The following ENTREP2 variants were observed in gnomAD, a reference collection of about 807,000 sequenced individuals.
ENTREP2 encodes endosomal transmembrane epsin interactor 2.
At chr15:29,352,038 G>A in the ENTREP2 span, among the ~76,000 whole-genome samples, 7 of 152,134 alleles carry the variant, frequency 4.6e-5, no homozygotes, top group South Asian at 2.1e-4. Context: ...GGACTCAAGC[G>A]ATCCTCCCAC....
the ENTREP2 span, among the ~76,000 whole-genome samples, chr15:29,169,207 A>G: frequency 6.6e-6 from 1 of 152,244 alleles, no homozygotes; most frequent in South Asian, 2.1e-4. Context: ...TGTGATCCTA[A>G]TGAGCCTCTA....
chr15:29,469,198 T>TTTTG, the ENTREP2 span, among the ~76,000 whole-genome samples: 1,347 of 152,106 alleles, frequency 8.9e-3, 16 homozygotes, highest in African/African-American at 0.031. Flanking sequence ...TTTTGTTTTG[T>TTTTG]TTTGTTTGTT....
At chr15:29,650,398 G>A in the ENTREP2 span, among the ~76,000 whole-genome samples, 730 of 146,910 alleles carry the variant, frequency 5.0e-3, 10 homozygotes, top group African/African-American at 0.019. Context: ...TTCAAGACCA[G>A]CCTGGACAAT....
chr15:29,377,400 C>T, the ENTREP2 span, among the ~76,000 whole-genome samples: 41 of 151,946 alleles, frequency 2.7e-4, no homozygotes, highest in African/African-American at 2.9e-4. Flanking sequence ...GTGTGGAGAA[C>T]GGATTGGAGA....
the ENTREP2 span, among the ~76,000 whole-genome samples, chr15:29,533,066 T>C: frequency 1.3e-5 from 2 of 152,156 alleles, no homozygotes; most frequent in African/African-American, 2.4e-5. Flanking sequence ...CAGGCTACTT[T>C]ATTCAATTTT....
the ENTREP2 span, among the ~76,000 whole-genome samples, chr15:29,276,303 G>T: frequency 6.6e-6 from 1 of 152,162 alleles, no homozygotes; most frequent in Non-Finnish European, 1.5e-5. Flanking sequence ...AATCATTAGG[G>T]CCTATTAAGT....
At chr15:29,267,134 TA>T in the ENTREP2 span, 1 of 152,160 alleles carries the variant, frequency 6.6e-6, no homozygotes, top group Non-Finnish European at 1.5e-5. Context: ...CAGAATGAAA[TA>T]AAACCCAGTA....
chr15:29,384,783 C>T, the ENTREP2 span, among the ~76,000 whole-genome samples: 6 of 152,098 alleles, frequency 3.9e-5, no homozygotes, highest in African/African-American at 9.7e-5. Context: ...CCTCAGCCCC[C>T]GACTCTTCTT....
the ENTREP2 span, among the ~76,000 whole-genome samples, chr15:29,584,416 G>A: frequency 1.4e-5 from 2 of 147,200 alleles, no homozygotes; most frequent in East Asian, 4.2e-4. Flanking sequence ...ATGGATGAAG[G>A]AATTTTTTAA....
At chr15:29,258,039 T>C in the ENTREP2 span, among the ~76,000 whole-genome samples, 23 of 151,804 alleles carry the variant, frequency 1.5e-4, no homozygotes, top group African/African-American at 5.3e-4. Context: ...GTGAAACCCC[T>C]GTCTCTACTA....
chr15:29,126,343 G>A, the ENTREP2 span: 15 of 1,536,016 alleles, frequency 9.8e-6, 1 homozygote, highest in Middle Eastern at 7.7e-4. Context: ...GCACCTGTGA[G>A]CCCATGCCAG....
At chr15:29,303,351 A>C in the ENTREP2 span, among the ~76,000 whole-genome samples, 1 of 152,244 alleles carries the variant, frequency 6.6e-6, no homozygotes, top group Non-Finnish European at 1.5e-5. Flanking sequence ...CTGCACAGAA[A>C]TGCTTAATGC....
At chr15:29,671,595 A>G in the ENTREP2 span, among the ~76,000 whole-genome samples, 2 of 152,228 alleles carry the variant, frequency 1.3e-5, no homozygotes, top group Non-Finnish European at 2.9e-5. Flanking sequence ...GAGTAAAAAC[A>G]GCTCAAGCCC....
At chr15:29,236,092 G>A in the ENTREP2 span, among the ~76,000 whole-genome samples, 1 of 152,084 alleles carries the variant, frequency 6.6e-6, no homozygotes, top group Admixed American at 6.6e-5. Flanking sequence ...ACAGGAGTTG[G>A]TACTTTAATA....
At chr15:29,238,285 T>C in the ENTREP2 span, among the ~76,000 whole-genome samples, 3 of 152,140 alleles carry the variant, frequency 2.0e-5, no homozygotes, top group African/African-American at 7.2e-5. Flanking sequence ...TGTGGATATA[T>C]TAGAAACCAC....
chr15:29,562,979 A>G, the ENTREP2 span, among the ~76,000 whole-genome samples: 1 of 151,980 alleles, frequency 6.6e-6, no homozygotes, highest in African/African-American at 2.4e-5. Flanking sequence ...TTCAGTAGAA[A>G]CAGGGTTTTG....
chr15:29,546,970 G>T, the ENTREP2 span, among the ~76,000 whole-genome samples: 1 of 151,086 alleles, frequency 6.6e-6, no homozygotes, highest in Non-Finnish European at 1.5e-5. Flanking sequence ...AAAATAAAGA[G>T]ATATGGAGCA....
the ENTREP2 span, among the ~76,000 whole-genome samples, chr15:29,579,912 G>A: frequency 2.6e-5 from 4 of 151,760 alleles, no homozygotes; most frequent in South Asian, 2.1e-4. Context: ...GAGTTTCACC[G>A]TGTTAGCCAG....
chr15:29,386,874 C>A, the ENTREP2 span, among the ~76,000 whole-genome samples: 37 of 152,338 alleles, frequency 2.4e-4, 1 homozygote, highest in African/African-American at 8.2e-4. Flanking sequence ...GCTGAAGTTG[C>A]TTATCAGCTT....
Sources: allele counts gnomAD v4.1 joint callset (sites outside exome capture counted in the v4.1 genomes callset), GRCh38; gene constraint gnomAD v4.1.1; transcripts MANE v1.5; gene names NCBI Gene and HGNC (gene_info 2026-07-23, HGNC 2026-07-21).